COL6A6: variants seen among roughly 807,000 people sequenced by gnomAD.
COL6A6 encodes collagen alpha-6(VI) chain.
COL6A6 carries 183 observed loss-of-function variants against 208.6 expected under a neutral mutation model. That is an observed-to-expected ratio of 0.88 (90% CI 0.78 to 0.99). COL6A6 has a LOEUF of 0.99. COL6A6 is among the 50% of genes least tolerant of loss of function. COL6A6 has a pLI of 0.00. For synonymous variants in COL6A6, 973 were observed against 1,011.8 expected (o/e 0.96, Z 0.73); for missense variants, 2,816 against 2,815.2 (o/e 1.00, Z -0.01).
chr3:130,622,653 C>T (rs772968547), intron 24 of COL6A6, among the ~76,000 whole-genome samples: 31 of 151,436 alleles, frequency 2.0e-4, no homozygotes, highest in South Asian at 6.3e-4. Context: ...GTCAGGAGAT[C>T]GAGACCATCC....
intron 1 of COL6A6, among the ~76,000 whole-genome samples, chr3:130,536,839 T>A (rs114656761): frequency 0.012 from 1,754 of 152,318 alleles, 19 homozygotes; most frequent in Non-Finnish European, 0.015. Context: ...CACACTTGAA[T>A]AATATGTAAT....
chr3:130,637,914 G>A (rs1425687837), intron 28 of COL6A6, among the ~76,000 whole-genome samples: 1 of 152,028 alleles, frequency 6.6e-6, no homozygotes, highest in Non-Finnish European at 1.5e-5. Flanking sequence ...ATAAGGCTTT[G>A]TTGAGGGGCT....
intron 1 of COL6A6, among the ~76,000 whole-genome samples, chr3:130,531,945 G>C (rs2062107082): frequency 6.6e-6 from 1 of 152,160 alleles, no homozygotes; most frequent in South Asian, 2.1e-4. Context: ...TTCTGGTATA[G>C]AGATAGCACA....
Position 130,669,931 on chromosome 3 carries a change from C to T in COL6A6, c.6596+4835C>T, listed in dbSNP as rs2066170641. On this transcript the variant is annotated intron_variant, in intron 36 of 36. Coordinates refer to ENST00000358511, the MANE Select transcript of COL6A6 (RefSeq NM_001102608.3). Reference sequence around the variant, plus strand: ...ACCACAATCAAATGTGCACCAGCACCTGGAACCCACACTTAGGCAAATACC... The same window carrying T: ...ACCACAATCAAATGTGCACCAGCACTTGGAACCCACACTTAGGCAAATACC... 2.0e-5 allele frequency among the ~76,000 whole-genome samples: 3 copies of T among 152,220 alleles called. No homozygotes were observed. The South Asian group carries it at 6.2e-4, about 31-fold the overall frequency.
Position 130,665,067 on chromosome 3 carries a change from T to A in COL6A6, c.6567T>A (p.Asp2189Glu), listed in dbSNP as rs745744359. ...AGTGCAACAGACTTAACTCTATAGA[T>A]CCAAAGCAGCCCCCACGACCATTCC... ...KIKCNRLNSI[D>E]PKQPPRPFRS... The change falls in exon 36 of 37, where the codon GAT (aspartate) becomes GAA (glutamate). Residue 2189 changes from aspartate to glutamate, a missense_variant. Transcript: ENST00000358511. 7.4e-6 allele frequency: 12 copies of A among 1,611,062 alleles called. No individual in the cohort carries two copies. The South Asian group carries it at 1.2e-4, about 16-fold the overall frequency.
chr3:130,516,781 A>G (rs1710762058), upstream of COL6A6, among the ~76,000 whole-genome samples: 1 of 152,110 alleles, frequency 6.6e-6, no homozygotes, highest in African/African-American at 2.4e-5. Flanking sequence ...CTCCCTTGCT[A>G]GATCCTGCCT....
intron 1 of COL6A6, among the ~76,000 whole-genome samples, chr3:130,527,804 T>G (rs2061991701): frequency 6.6e-6 from 1 of 152,030 alleles, no homozygotes; most frequent in Non-Finnish European, 1.5e-5. Context: ...GCTTATCATC[T>G]GGGACCTTCT....
rs1434343327 is a variant in COL6A6, at chr3:130,582,051, A to G, written c.3953A>G (p.Asp1318Gly). 2.5e-6 allele frequency: 4 copies of G among 1,599,254 alleles called. No homozygotes were observed. The Admixed American group carries it at 5.1e-5, about 21-fold the overall frequency. Residue 1318 changes from aspartate (D) to glycine (G), a missense_variant, in exon 10 of 37, where the codon GAT becomes GGT. Coordinates refer to ENST00000358511, the MANE Select transcript of COL6A6 (RefSeq NM_001102608.3). The stretch of plus-strand genomic sequence containing the variant: ...GTTGAGAAACTTGAACAAAAATCTG[A>G]TGAACTTAGAAAAGAAGGTACTGAG... Reference protein sequence around the residue: ...DDVEKLEQKSDELRKEGLNAL... With the variant: ...DDVEKLEQKSGELRKEGLNAL...
chr3:130,555,942 G>A (rs981363707), intron 1 of COL6A6, among the ~76,000 whole-genome samples: 2 of 152,116 alleles, frequency 1.3e-5, no homozygotes, highest in African/African-American at 4.8e-5. Context: ...TGGATATACT[G>A]TGTAGTGGTG....
intron 27 of COL6A6, among the ~76,000 whole-genome samples, chr3:130,635,430 G>T (rs1055215005): frequency 6.6e-6 from 1 of 152,128 alleles, no homozygotes; most frequent in Admixed American, 6.5e-5. Context: ...TCCTATGATA[G>T]AGTCAGAGGA....
chr3:130,534,999 T>C (rs546341947), intron 1 of COL6A6, among the ~76,000 whole-genome samples: 2 of 152,274 alleles, frequency 1.3e-5, no homozygotes, highest in East Asian at 1.9e-4. Context: ...CATTCATTTG[T>C]TGATTTATTT....
At chr3:130,649,922 C>CT (rs372103615) in intron 33 of COL6A6, among the ~76,000 whole-genome samples, 6 of 152,324 alleles carry the variant, frequency 3.9e-5, no homozygotes, top group African/African-American at 1.4e-4. Context: ...CCAAGCTACT[C>CT]TTTGAGTTGC....
At chr3:130,519,504 A>G (rs1227210618) in intron 1 of COL6A6, among the ~76,000 whole-genome samples, 1 of 152,074 alleles carries the variant, frequency 6.6e-6, no homozygotes, top group East Asian at 1.9e-4. Context: ...ATTCATGAAC[A>G]TGACTTTTCC....
chr3:130,640,266 C>T (rs999966145), intron 28 of COL6A6, among the ~76,000 whole-genome samples: 3 of 152,180 alleles, frequency 2.0e-5, no homozygotes, highest in African/African-American at 7.2e-5. Context: ...ATTCAACTTT[C>T]TCAGGTCTGT....
In COL6A6 at chr3:130,539,789, A is replaced by C. The variant is rs140998012; in HGVS notation, c.-31-20545A>C. 6.1e-3 allele frequency among the ~76,000 whole-genome samples: 934 copies of C among 152,302 alleles called. 11 individuals carry two copies. The highest frequency in any genetic ancestry group is 0.041 in the East Asian group (211 of 5,188). On this transcript the variant is annotated intron_variant, in intron 1 of 36. Transcript: ENST00000358511. ...AATACAAAACTTATTACAGATGACC[A>C]TCTCAGTGGGACAAATACTCCCTGC...
intron 25 of COL6A6, among the ~76,000 whole-genome samples, chr3:130,626,909 G>A (rs1485699873): frequency 6.6e-6 from 1 of 152,156 alleles, no homozygotes; most frequent in African/African-American, 2.4e-5. Flanking sequence ...GGGTCAGACA[G>A]TAGCCAATAC....
At chr3:130,565,958 C>A (rs891157381) in intron 4 of COL6A6, among the ~76,000 whole-genome samples, 1 of 151,966 alleles carries the variant, frequency 6.6e-6, no homozygotes, top group Non-Finnish European at 1.5e-5. Context: ...CCCTTTATTT[C>A]TTTATTCTTT....
intron 1 of COL6A6, among the ~76,000 whole-genome samples, chr3:130,527,966 T>C (rs1487317266): frequency 6.8e-6 from 1 of 147,162 alleles, no homozygotes; most frequent in Non-Finnish European, 1.5e-5. Flanking sequence ...ACACCTGGTG[T>C]GCCTTTACAT....
chr3:130,518,495 G>A (rs1020787365), intron 1 of COL6A6, among the ~76,000 whole-genome samples: 7 of 152,074 alleles, frequency 4.6e-5, no homozygotes, highest in African/African-American at 1.7e-4. Flanking sequence ...CTTTATAAAA[G>A]AGGTTGTCAA....
Sources: gnomAD v4.1 joint callset for allele counts (sites outside exome capture counted in the v4.1 genomes callset) on GRCh38, gnomAD v4.1.1 for gene constraint, MANE v1.5 for transcripts, NCBI Gene and HGNC (gene_info 2026-07-23, HGNC 2026-07-21) for gene names.